SORBS2: variants seen among roughly 807,000 people sequenced by gnomAD.
The protein encoded by SORBS2 is sorbin and SH3 domain containing 2.
SORBS2 carries 46 observed loss-of-function variants against 97.7 expected under a neutral mutation model. The ratio of observed to expected loss-of-function variants is 0.47; its 90% CI spans 0.37 to 0.60. The LOEUF (loss-of-function observed/expected upper bound fraction) is 0.60, where lower values mean the gene tolerates loss of function less well. Among genes scored for constraint, SORBS2 ranks in the 20% least tolerant of loss-of-function variants. The pLI is 0.00. For missense variants in SORBS2, 1,316 were observed against 1,282.3 expected (o/e 1.03, Z -0.40); for synonymous variants, 476 against 473.4 (o/e 1.01, Z -0.07).
chr4:185,591,226 G>A (rs1437286810), intron 13 of SORBS2, among the ~76,000 whole-genome samples: 13 of 152,250 alleles, frequency 8.5e-5, no homozygotes, highest in African/African-American at 3.1e-4. Flanking sequence ...AGAAAATATT[G>A]TTTTCCCTGG....
intron 4 of SORBS2, chr4:185,676,869 C>A (rs1312064024): frequency 1.4e-6 from 1 of 736,862 alleles, no homozygotes; most frequent in African/African-American, 1.8e-5. Context: ...AAAATGGTTT[C>A]TTTCTCCTTT....
intron 1 of SORBS2, among the ~76,000 whole-genome samples, chr4:185,854,975 T>C (rs911935216): frequency 3.3e-5 from 5 of 152,174 alleles, no homozygotes; most frequent in African/African-American, 1.2e-4. Context: ...ATACACACAT[T>C]TATATGAAGA....
At chr4:185,747,412 G>A (rs1004414953) in intron 2 of SORBS2, among the ~76,000 whole-genome samples, 3 of 152,226 alleles carry the variant, frequency 2.0e-5, no homozygotes, top group East Asian at 1.9e-4. Flanking sequence ...TCTTGCAAAC[G>A]CTTGAGTGTA....
At chr4:185,947,015 C>A (rs2099274854) in intron 1 of SORBS2, among the ~76,000 whole-genome samples, 1 of 152,222 alleles carries the variant, frequency 6.6e-6, no homozygotes, top group Non-Finnish European at 1.5e-5. Flanking sequence ...CCATCAATTT[C>A]TACTCCATTC....
At chr4:185,796,040 G>C (rs2099103082) in intron 1 of SORBS2, among the ~76,000 whole-genome samples, 1 of 152,064 alleles carries the variant, frequency 6.6e-6, no homozygotes, top group Admixed American at 6.5e-5. Flanking sequence ...CTGGATTACT[G>C]TACTGTCCTC....
intron 1 of SORBS2, among the ~76,000 whole-genome samples, chr4:185,940,363 C>G (rs1309954984): frequency 2.0e-5 from 3 of 152,116 alleles, no homozygotes; most frequent in Non-Finnish European, 4.4e-5. Flanking sequence ...GTGCTTTTCC[C>G]TTTTTACCCT....
At chr4:185,665,978 A>T (rs1561790010) in intron 4 of SORBS2, 1 of 1,272,974 alleles carries the variant, frequency 7.9e-7, no homozygotes, top group East Asian at 5.6e-5. Context: ...AGGTGTTTGT[A>T]TAAGCAATGG....
chr4:185,694,725 G>C, intron 2 of SORBS2, among the ~76,000 whole-genome samples: 1 of 33,034 alleles, frequency 3.0e-5, no homozygotes, highest in Non-Finnish European at 6.7e-5. Flanking sequence ...TCTTTTTTTT[G>C]AGACGGAGTC....
intron 1 of SORBS2, among the ~76,000 whole-genome samples, chr4:185,805,601 G>A (rs185763900): frequency 6.6e-5 from 10 of 152,168 alleles, no homozygotes; most frequent in East Asian, 5.8e-4. Context: ...CTCCCTTTGC[G>A]TAAACTGGTT....
At chr4:185,622,306 T>G (rs1157587936) in intron 7 of SORBS2, among the ~76,000 whole-genome samples, 1 of 152,198 alleles carries the variant, frequency 6.6e-6, no homozygotes, top group Admixed American at 6.5e-5. Flanking sequence ...ATACACTAAA[T>G]GGTGGAAATG....
chr4:185,868,009 G>C (rs927577713), intron 1 of SORBS2, among the ~76,000 whole-genome samples: 2 of 151,790 alleles, frequency 1.3e-5, no homozygotes, highest in African/African-American at 2.4e-5. Context: ...CCCTTCCTTC[G>C]GGACATTCCC....
At chr4:185,851,208 T>C (rs535238440) in intron 1 of SORBS2, among the ~76,000 whole-genome samples, 2 of 152,314 alleles carry the variant, frequency 1.3e-5, no homozygotes, top group East Asian at 3.9e-4. Context: ...GAGTAGCTTA[T>C]CTTTCATATT....
intron 4 of SORBS2, chr4:185,665,870 A>T: frequency 8.5e-7 from 1 of 1,180,006 alleles, no homozygotes; most frequent in East Asian, 5.9e-5. Flanking sequence ...GCTGTGGAGG[A>T]CTCACTCTCC....
At chr4:185,658,161 C>T (rs190382678), upstream of SORBS2, among the ~76,000 whole-genome samples, 329 of 152,200 alleles carry the variant, frequency 2.2e-3, 3 homozygotes, top group African/African-American at 7.6e-3. Flanking sequence ...ACATCCAAGC[C>T]TTTGGACATG....
intron 1 of SORBS2, among the ~76,000 whole-genome samples, chr4:185,938,389 T>TACACATAC (rs1554055087): frequency 2.2e-5 from 3 of 136,440 alleles, no homozygotes; most frequent in African/African-American, 2.8e-5. Flanking sequence ...TGTAGACACA[T>TACACATAC]ACACACACAC....
chr4:185,940,496 T>G (rs1432406454), intron 1 of SORBS2, among the ~76,000 whole-genome samples: 5 of 152,054 alleles, frequency 3.3e-5, no homozygotes, highest in Non-Finnish European at 5.9e-5. Flanking sequence ...CCCCCTCATC[T>G]CTCACTGGAC....
At chr4:185,732,587 G>C (rs2098650285) in intron 2 of SORBS2, among the ~76,000 whole-genome samples, 1 of 152,206 alleles carries the variant, frequency 6.6e-6, no homozygotes, top group African/African-American at 2.4e-5. Context: ...TGCAGAGTGG[G>C]TCAGTTCTGC....
chr4:185,859,988 A>G (rs2099222778), intron 1 of SORBS2, among the ~76,000 whole-genome samples: 1 of 152,220 alleles, frequency 6.6e-6, no homozygotes, highest in South Asian at 2.1e-4. Context: ...AGATCCTTCC[A>G]TAATTTATTA....
At chr4:185,867,050 C>T (rs2099227263) in intron 1 of SORBS2, among the ~76,000 whole-genome samples, 2 of 152,050 alleles carry the variant, frequency 1.3e-5, no homozygotes, top group African/African-American at 4.8e-5. Context: ...CTCACTCTTT[C>T]ACCCAGGCTG....
Sources: allele counts gnomAD v4.1 joint callset (sites outside exome capture counted in the v4.1 genomes callset), GRCh38; gene constraint gnomAD v4.1.1; transcripts MANE v1.5; gene names NCBI Gene and HGNC (gene_info 2026-07-23, HGNC 2026-07-21).